Variants in CRTC3 observed in about 807,000 individuals in gnomAD.
CRTC3 encodes CREB-regulated transcription coactivator 3.
In CRTC3, 26 loss-of-function variants were observed where a neutral mutation model predicts 74.5. The observed-to-expected ratio is 0.35, with a 90% CI of 0.26 to 0.48. CRTC3 has a LOEUF of 0.48. Ranked by LOEUF, CRTC3 falls within the 20% of genes least tolerant of loss-of-function variation. CRTC3 has a pLI of 0.99. For synonymous variants in CRTC3, 377 were observed against 325.8 expected, an observed-to-expected ratio of 1.16 and a Z score of -1.69; for missense variants, 760 against 787.3, an observed-to-expected ratio of 0.97 and a Z score of 0.41.
At chr15:90,614,172 CT>C (rs1240836064) in intron 6 of CRTC3, 4 of 324,834 alleles carry the variant, frequency 1.2e-5, no homozygotes, top group Non-Finnish European at 2.3e-5. Context: ...GATTCTCAGG[CT>C]TTGTAAAAAT....
At position 90,604,435 on chromosome 15, in the gene CRTC3, C is replaced by T. The variant is rs144770894; in HGVS notation, c.464C>T (p.Ser155Phe). Residue 155 changes from serine to phenylalanine, a missense_variant, in exon 5 of 15, where the codon TCT becomes TTT. Physicochemically the swap from Ser to Phe is radical, Grantham distance 155 (BLOSUM62 -2). This residue lies in a region of CRTC3 where 652 missense variants were observed against 635.2 expected (regional missense o/e 1.03). Transcript: ENST00000268184. ...DEKHPGFRLTSALNRTNSDSA... is the reference protein window; with the variant it reads ...DEKHPGFRLTFALNRTNSDSA... ...AAGCATCCTGGGTTCAGGCTGACATCTGCACTTAACAGGTACATGGGTTGT... is the reference window on the plus strand; with the variant it reads ...AAGCATCCTGGGTTCAGGCTGACATTTGCACTTAACAGGTACATGGGTTGT... 2.4e-5 allele frequency: 39 copies of T among 1,613,204 alleles called. No individual in the cohort carries two copies. The Middle Eastern group carries it at 4.9e-4, about 20-fold the overall frequency.
chr15:90,578,710 T>C (rs906420977), intron 2 of CRTC3, among the ~76,000 whole-genome samples: 11 of 152,178 alleles, frequency 7.2e-5, no homozygotes, highest in Non-Finnish European at 1.6e-4. Context: ...AAAAATCTGG[T>C]ATCGATTGTG....
chr15:90,554,284 A>G (rs898955915), intron 2 of CRTC3, among the ~76,000 whole-genome samples: 1 of 150,872 alleles, frequency 6.6e-6, no homozygotes, highest in Non-Finnish European at 1.5e-5. Flanking sequence ...GCTCACTGCA[A>G]CCTCCCTCTC....
chr15:90,619,928 A>G lies in CRTC3; in HGVS notation c.749+138A>G, dbSNP rs369109927. 16 of 678,452 alleles carry G rather than the reference A, an allele frequency of 2.4e-5. No individual in the cohort carries two copies. The African/African-American group carries it at 2.9e-4, about 12-fold the overall frequency. The allele number at this position is 678,452 out of a possible 1,614,324, so 42.0% of individuals were successfully genotyped here. ...GAAAGTCAACTGCATTTTCATAAAA[A>G]CAGCCACTCTCTTTTGATACTCATA... On this transcript the variant is annotated intron_variant, in intron 9 of 14. Transcript: ENST00000268184.
rs374077565 is a variant in CRTC3 at position 90,592,553 on chromosome 15, G to A, written c.232-1083G>A. Among the ~76,000 whole-genome samples, 16 of 152,228 alleles carry A rather than the reference G, an allele frequency of 1.1e-4. No individual in the cohort carries two copies. The East Asian group carries it at 2.7e-3, about 26-fold the overall frequency. ...TACCAGTCTCAAAAATGTTAAGAACGTACCCCAAGCATCTCTTTAAAAAGG... is the reference window on the plus strand; with the variant it reads ...TACCAGTCTCAAAAATGTTAAGAACATACCCCAAGCATCTCTTTAAAAAGG... On this transcript the variant is annotated intron_variant, in intron 2 of 14. Transcript: ENST00000268184.
chr15:90,565,805 T>C (rs535552446), intron 2 of CRTC3, among the ~76,000 whole-genome samples: 176 of 152,354 alleles, frequency 1.2e-3, no homozygotes, highest in Middle Eastern at 6.8e-3. Flanking sequence ...ATGTTGTGTG[T>C]CTTCTGACTG....
At chr15:90,613,962 C>A (rs1596126012) in intron 6 of CRTC3, 1 of 152,524 alleles carries the variant, frequency 6.6e-6, no homozygotes, top group East Asian at 1.9e-4. Context: ...CCAGATAAAT[C>A]TTCTTCTTAA....
At chr15:90,639,863 C>T (rs574106628) in intron 13 of CRTC3, among the ~76,000 whole-genome samples, 46 of 151,504 alleles carry the variant, frequency 3.0e-4, no homozygotes, top group East Asian at 5.9e-4. Flanking sequence ...CTGGCTAACA[C>T]GGTGAAACCT....
chr15:90,618,111 G>A (rs942156657), intron 8 of CRTC3, 143 bp downstream of exon 8: 4 of 504,170 alleles, frequency 7.9e-6, no homozygotes, highest in African/African-American at 3.8e-5. Flanking sequence ...GAATATACAA[G>A]GGAAGGACGT....
Position 90,603,392 on chromosome 15 carries a change from G to A in CRTC3, c.414-993G>A, listed in dbSNP as rs946108862. The stretch of plus-strand genomic sequence containing the variant: ...CAGGAGGCGGAGCTTGCAGTGAGCC[G>A]AGATCACGCCACTGCACTCCAGCCT... On this transcript the variant is annotated intron_variant, in intron 4 of 14. Coordinates refer to ENST00000268184, the MANE Select transcript of CRTC3 (RefSeq NM_022769.5). 5.3e-5 allele frequency among the ~76,000 whole-genome samples: 8 copies of A among 151,682 alleles called. No homozygotes were observed. In the South Asian group the frequency reaches 6.2e-4, roughly 12 times the overall value.
At chr15:90,533,084 CAAAAAAAAAAAAAAAAAAAAA>C (rs766911510) in intron 1 of CRTC3, among the ~76,000 whole-genome samples, 5 of 18,862 alleles carry the variant, frequency 2.7e-4, no homozygotes, top group African/African-American at 6.7e-4. Context: ...GACTTCATCT[CAAAAAAAAAAAAAAAAAAAAA>C]AAAAAAAAAA....
At chr15:90,624,459 C>G (rs1968758938) in intron 9 of CRTC3, among the ~76,000 whole-genome samples, 1 of 152,232 alleles carries the variant, frequency 6.6e-6, no homozygotes, top group Middle Eastern at 3.4e-3. Flanking sequence ...GCCTGCCTCT[C>G]CCTCCCCATG....
At chr15:90,641,461 G>C (rs1969439022) in intron 14 of CRTC3, among the ~76,000 whole-genome samples, 2 of 152,066 alleles carry the variant, frequency 1.3e-5, no homozygotes, top group East Asian at 3.9e-4. Context: ...ACTTTGGGAG[G>C]CCGAGGTGGG....
intron 9 of CRTC3, among the ~76,000 whole-genome samples, chr15:90,624,414 T>C (rs530459836): frequency 2.0e-5 from 3 of 152,034 alleles, no homozygotes; most frequent in Non-Finnish European, 2.9e-5. Flanking sequence ...CCACAGTCCC[T>C]GATCCAGACT....
intron 2 of CRTC3, among the ~76,000 whole-genome samples, chr15:90,554,395 G>T (rs1032385292): frequency 2.6e-5 from 4 of 152,076 alleles, no homozygotes; most frequent in Non-Finnish European, 5.9e-5. Context: ...TAGAGACGGG[G>T]TTTCACCATG....
In CRTC3 at chr15:90,530,520, C is replaced by G. The variant is rs986462611; in HGVS notation, c.132+317C>G. 3.9e-5 allele frequency: 6 copies of G among 152,690 alleles called. No individual in the cohort carries two copies. The highest frequency in any genetic ancestry group is 1.4e-4 in the African/African-American group (6 of 41,432). 9.5% of individuals were successfully genotyped at this position (152,690 alleles called of 1,614,324 possible). ...TGAGGGGGAGGAGGACGAGGAGCCC[C>G]GAGAGGAAATCGCAAACAGCTCGGA... On this transcript the variant is annotated intron_variant, in intron 1 of 14. Coordinates refer to ENST00000268184, the MANE Select transcript of CRTC3 (RefSeq NM_022769.5). This position sits in a 1 kb window ranked among gnomAD's most constrained non-coding sequence, Gnocchi z 6.2.
intron 1 of CRTC3, among the ~76,000 whole-genome samples, chr15:90,537,397 T>C (rs563339340): frequency 6.6e-6 from 1 of 152,332 alleles, no homozygotes; most frequent in East Asian, 1.9e-4. Flanking sequence ...CCAGTGCTTT[T>C]TGTTTTTTTA....
intron 6 of CRTC3, among the ~76,000 whole-genome samples, chr15:90,610,226 T>A (rs1012323135): frequency 5.9e-5 from 9 of 152,240 alleles, no homozygotes; most frequent in African/African-American, 2.2e-4. Context: ...AAAAAGGTAT[T>A]TCTTATAGGA....
rs185432133 is a variant in CRTC3 at position 90,641,090 on chromosome 15, C to T, written c.1549-7C>T. On this transcript the variant is annotated splice_region_variant and splice_polypyrimidine_tract_variant and intron_variant, in intron 13 of 14. Transcript: ENST00000268184. The stretch of plus-strand genomic sequence containing the variant: ...GGCCTTCCTCACATGACCTTCGATG[C>T]TTCCAGGTGCCTCTGGTGCAACAAG... The T allele has an allele frequency of 3.1e-5, 49 of 1,602,672 alleles. No individual in the cohort carries two copies. Among genetic ancestry groups the T allele is most frequent in the Non-Finnish European group, 4.1e-5 (48 of 1,169,662 alleles).
Sources: allele counts gnomAD v4.1 joint callset (sites outside exome capture counted in the v4.1 genomes callset), GRCh38; gene constraint gnomAD v4.1.1; regional missense constraint gnomAD v4.1.1; non-coding constraint Gnocchi (gnomAD v3.1); transcripts MANE v1.5; gene names NCBI Gene and HGNC (gene_info 2026-07-23, HGNC 2026-07-21).